Variants in THSD7B observed in about 807,000 individuals in gnomAD.
THSD7B encodes the protein thrombospondin type 1 domain containing 7B.
In THSD7B, 138 loss-of-function variants were observed where a neutral mutation model predicts 213.6. The ratio of observed to expected loss-of-function variants is 0.65; its 90% confidence interval spans 0.56 to 0.74. The LOEUF is 0.74. THSD7B is among the 30% of genes least tolerant of loss of function. THSD7B has a pLI of 0.00. For synonymous variants in THSD7B, 742 were observed against 687.0 expected (o/e 1.08, Z -1.25); for missense variants, 1,931 against 1,991.5 (o/e 0.97, Z 0.58).
At chr2:136,850,311 TA>T (rs1683078892) in intron 1 of THSD7B, among the ~76,000 whole-genome samples, 1 of 56,624 alleles carries the variant, frequency 1.8e-5, no homozygotes, top group Non-Finnish European at 3.6e-5. Context: ...ATTTCAATAT[TA>T]TGCCATGGAA....
At chr2:137,214,880 G>A (rs1477378757) in intron 7 of THSD7B, among the ~76,000 whole-genome samples, 1 of 152,140 alleles carries the variant, frequency 6.6e-6, no homozygotes, top group Non-Finnish European at 1.5e-5. Flanking sequence ...TGTGAATAGT[G>A]CTGCAATAAA....
Position 137,448,836 on chromosome 2 carries a change from C to CAACAACAACAAA in THSD7B, c.2960-2007_2960-2006insCAACAACAAAAA, listed in dbSNP as rs765115799. On this transcript the variant is annotated intron_variant, in intron 14 of 27. Transcript: ENST00000409968. The stretch of plus-strand genomic sequence containing the variant: ...ACAACAACAACAACAACAACAACAA[C>CAACAACAACAAA]AAAAACTACCCTTTCCTGGGTCCCA... Among the ~76,000 whole-genome samples the CAACAACAACAAA allele has an allele frequency of 1.0e-3, 154 of 147,598 alleles. 1 individual carries two copies. Among genetic ancestry groups the CAACAACAACAAA allele is most frequent in the African/African-American group, 3.3e-3 (132 of 39,552 alleles).
intron 17 of THSD7B, among the ~76,000 whole-genome samples, chr2:137,583,809 T>C (rs932371002): frequency 2.6e-5 from 4 of 152,220 alleles, no homozygotes; most frequent in East Asian, 1.9e-4. Context: ...TTAGATTCTC[T>C]TGGCAATGTG....
Position 137,590,029 on chromosome 2 carries a change from T to A in THSD7B, c.3423+17473T>A, listed in dbSNP as rs950775547. Among the ~76,000 whole-genome samples, 13 of 152,330 alleles carry A rather than the reference T, an allele frequency of 8.5e-5. 1 individual carries two copies. The South Asian group carries it at 2.7e-3, about 32-fold the overall frequency. ...AATTATTGACTTTTAAGTTCATTTTTTTTTTCTTTCATGGCCCTCCTGATT... is the reference window on the plus strand; with the variant it reads ...AATTATTGACTTTTAAGTTCATTTTATTTTTCTTTCATGGCCCTCCTGATT... On this transcript the variant is annotated intron_variant, in intron 17 of 27. Coordinates refer to ENST00000409968, the MANE Select transcript of THSD7B (RefSeq NM_001316349.2).
intron 4 of THSD7B, among the ~76,000 whole-genome samples, chr2:137,113,363 G>T (rs1307207750): frequency 6.6e-6 from 1 of 152,154 alleles, no homozygotes; most frequent in African/African-American, 2.4e-5. Context: ...GTGAAGAAAT[G>T]AACTTCTCTT....
chr2:137,516,730 C>T (rs373542554), intron 15 of THSD7B, among the ~76,000 whole-genome samples: 1 of 152,186 alleles, frequency 6.6e-6, no homozygotes, highest in East Asian at 1.9e-4. Flanking sequence ...TAGCAGCTGA[C>T]AGAACCCCCA....
At chr2:137,294,844 G>A (rs559551734) in intron 12 of THSD7B, among the ~76,000 whole-genome samples, 2 of 152,160 alleles carry the variant, frequency 1.3e-5, no homozygotes, top group East Asian at 3.9e-4. Context: ...GGTATGCATA[G>A]TGTCTGGCAC....
Position 137,110,610 on chromosome 2 carries a change from A to T in THSD7B, c.1200-4514A>T, listed in dbSNP as rs371697382. Among the ~76,000 whole-genome samples, 19 of 152,332 alleles carry T rather than the reference A, an allele frequency of 1.2e-4. No individual in the cohort carries two copies. In the South Asian group the frequency reaches 3.5e-3, roughly 28 times the overall value. Reference sequence around the variant, plus strand: ...TAACATTTAGAATGAGCAGGGAGCAATGTTGGGAATTTGATTTTGGGGCCT... The same window carrying T: ...TAACATTTAGAATGAGCAGGGAGCATTGTTGGGAATTTGATTTTGGGGCCT... On this transcript the variant is annotated intron_variant, in intron 4 of 27. Transcript: ENST00000409968.
chr2:136,896,554 C>G (rs1683963598), intron 2 of THSD7B, among the ~76,000 whole-genome samples: 1 of 151,952 alleles, frequency 6.6e-6, no homozygotes, highest in African/African-American at 2.4e-5. Flanking sequence ...TCTTATGAAG[C>G]CTAGTTTTCC....
intron 2 of THSD7B, among the ~76,000 whole-genome samples, chr2:136,896,938 A>G (rs1362062553): frequency 1.4e-5 from 2 of 143,362 alleles, no homozygotes; most frequent in East Asian, 2.0e-4. Flanking sequence ...CTATATACAT[A>G]TATACATATA....
chr2:136,828,759 G>T (rs957147482), intron 1 of THSD7B, among the ~76,000 whole-genome samples: 1 of 152,204 alleles, frequency 6.6e-6, no homozygotes, highest in Non-Finnish European at 1.5e-5. Context: ...GGCTAGTGCT[G>T]TTTTGTTTTT....
chr2:136,821,833 G>T (rs191458672), intron 1 of THSD7B, among the ~76,000 whole-genome samples: 28 of 152,320 alleles, frequency 1.8e-4, no homozygotes, highest in Non-Finnish European at 3.2e-4. Context: ...GCGTGCTGCA[G>T]CTCAACTTTA....
intron 12 of THSD7B, among the ~76,000 whole-genome samples, chr2:137,372,695 TTTTA>T (rs1355021250): frequency 6.6e-6 from 1 of 151,924 alleles, no homozygotes; most frequent in Non-Finnish European, 1.5e-5. Flanking sequence ...TTTTATTTTA[TTTTA>T]TTTTATTCTT....
At chr2:137,570,779 G>A (rs777527798) in intron 16 of THSD7B, among the ~76,000 whole-genome samples, 1 of 151,974 alleles carries the variant, frequency 6.6e-6, no homozygotes, top group Non-Finnish European at 1.5e-5. Context: ...TAGTGCTAGG[G>A]ATCATGTCTG....
intron 2 of THSD7B, among the ~76,000 whole-genome samples, chr2:136,954,059 T>A (rs979066572): frequency 2.0e-5 from 3 of 152,248 alleles, no homozygotes; most frequent in African/African-American, 7.2e-5. Context: ...TTGAATTATT[T>A]GTTGACATTT....
chr2:137,412,102 T>G (rs1246723597), intron 14 of THSD7B, among the ~76,000 whole-genome samples: 1 of 152,150 alleles, frequency 6.6e-6, no homozygotes, highest in Non-Finnish European at 1.5e-5. Flanking sequence ...ATTCTCTAAT[T>G]CACCTTTGTT....
intron 12 of THSD7B, among the ~76,000 whole-genome samples, chr2:137,397,850 G>A (rs1686234108): frequency 7.7e-6 from 1 of 129,250 alleles, no homozygotes; most frequent in African/African-American, 2.9e-5. Context: ...ATATTTCTTG[G>A]AGGCTTTGCT....
chr2:136,870,936 A>G (rs1050229824), intron 1 of THSD7B, among the ~76,000 whole-genome samples: 5 of 152,208 alleles, frequency 3.3e-5, no homozygotes, highest in African/African-American at 1.2e-4. Flanking sequence ...CAGAAAAGCC[A>G]GGCAGGAGGC....
chr2:137,230,799 G>A (rs904553669), intron 7 of THSD7B, among the ~76,000 whole-genome samples: 5 of 152,140 alleles, frequency 3.3e-5, no homozygotes, highest in South Asian at 2.1e-4. Context: ...TTAGCCATCC[G>A]TGGCTAAATT....
Sources: gnomAD v4.1 joint callset for allele counts (sites outside exome capture counted in the v4.1 genomes callset) on GRCh38, gnomAD v4.1.1 for gene constraint, MANE v1.5 for transcripts, NCBI Gene and HGNC (gene_info 2026-07-23, HGNC 2026-07-21) for gene names.